Variants in CNTNAP2 observed in about 807,000 individuals in gnomAD.
The protein encoded by CNTNAP2 is contactin-associated protein-like 2.
In CNTNAP2, 98 loss-of-function variants were observed where a neutral mutation model predicts 155.2. The observed-to-expected ratio is 0.63, with a 90% CI of 0.54 to 0.75. The LOEUF (loss-of-function observed/expected upper bound fraction) is 0.75, where lower values mean the gene tolerates loss of function less well. Among genes scored for constraint, CNTNAP2 ranks in the 30% least tolerant of loss-of-function variants. The pLI is 0.00. For missense variants in CNTNAP2, 1,727 were observed against 1,688.1 expected, an observed-to-expected ratio of 1.02 and a Z score of -0.40; for synonymous variants, 651 against 631.2, an observed-to-expected ratio of 1.03 and a Z score of -0.47.
chr7:147,647,307 C>T (rs1584878091), intron 13 of CNTNAP2, among the ~76,000 whole-genome samples: 1 of 144,784 alleles, frequency 6.9e-6, no homozygotes, highest in African/African-American at 2.5e-5. Context: ...GGCCAGTTCA[C>T]TTTTTTTTTT....
chr7:146,480,091 C>T (rs749920927), intron 1 of CNTNAP2, among the ~76,000 whole-genome samples: 2 of 152,076 alleles, frequency 1.3e-5, no homozygotes, highest in African/African-American at 2.4e-5. Flanking sequence ...GGTTTTTCCA[C>T]CAAAGTAGCA....
intron 21 of CNTNAP2, among the ~76,000 whole-genome samples, chr7:148,323,000 T>A (rs1000222914): frequency 6.6e-6 from 1 of 152,166 alleles, no homozygotes; most frequent in Non-Finnish European, 1.5e-5. Flanking sequence ...TAAATCAAAT[T>A]CTTAGTGGCA....
At chr7:146,278,061 A>G (rs1490247357) in intron 1 of CNTNAP2, among the ~76,000 whole-genome samples, 1 of 152,210 alleles carries the variant, frequency 6.6e-6, no homozygotes, top group Admixed American at 6.5e-5. Context: ...TGTTATTGTC[A>G]GCAGATTAGC....
chr7:146,648,097 T>C (rs1276018924), intron 1 of CNTNAP2, among the ~76,000 whole-genome samples: 4 of 152,266 alleles, frequency 2.6e-5, no homozygotes, highest in African/African-American at 9.6e-5. Context: ...GTATCACAGG[T>C]TGGACAAACC....
At chr7:147,155,976 G>A (rs1801917573) in intron 8 of CNTNAP2, among the ~76,000 whole-genome samples, 1 of 152,106 alleles carries the variant, frequency 6.6e-6, no homozygotes, top group Non-Finnish European at 1.5e-5. Context: ...ATACCATTTA[G>A]TAGGTGCATG....
At chr7:147,399,875 G>A (rs1796882709) in intron 10 of CNTNAP2, among the ~76,000 whole-genome samples, 2 of 152,174 alleles carry the variant, frequency 1.3e-5, no homozygotes, top group African/African-American at 4.8e-5. Flanking sequence ...TCTAACAATG[G>A]AAGCTGCTAG....
chr7:146,987,285 T>G (rs1798129763), intron 3 of CNTNAP2, among the ~76,000 whole-genome samples: 2 of 152,176 alleles, frequency 1.3e-5, no homozygotes, highest in Admixed American at 6.5e-5. Context: ...CCATTTGAGA[T>G]GACAATTTTT....
intron 11 of CNTNAP2, among the ~76,000 whole-genome samples, chr7:147,560,168 C>CAAAAAAAAAAAAACAAA (rs1800033185): frequency 1.9e-5 from 1 of 52,828 alleles, no homozygotes; most frequent in Non-Finnish European, 3.4e-5. Flanking sequence ...AACTCCGTCT[C>CAAAAAAAAAAAAACAAA]AAAAAAAAAA....
At chr7:146,505,530 A>T (rs903374513) in intron 1 of CNTNAP2, among the ~76,000 whole-genome samples, 1 of 152,214 alleles carries the variant, frequency 6.6e-6, no homozygotes, top group Non-Finnish European at 1.5e-5. Context: ...CAGGAAATAC[A>T]GATGTTCCCT....
intron 1 of CNTNAP2, among the ~76,000 whole-genome samples, chr7:146,571,785 G>GGAAAAGAAAGAAAGGATTGTTTAA (rs1584986991): frequency 6.7e-6 from 1 of 148,602 alleles, no homozygotes; most frequent in East Asian, 2.0e-4. Context: ...AGGCTGGAAT[G>GGAAAAGAAAGAAAGGATTGTTTAA]CAGTGGCATG....
At chr7:148,102,247 A>C (rs994175898) in intron 15 of CNTNAP2, among the ~76,000 whole-genome samples, 1 of 152,128 alleles carries the variant, frequency 6.6e-6, no homozygotes, top group Non-Finnish European at 1.5e-5. Flanking sequence ...TTTCTGTGTC[A>C]GTTTGCTGGG....
At chr7:146,541,558 A>C (rs1218100239) in intron 1 of CNTNAP2, among the ~76,000 whole-genome samples, 1 of 151,980 alleles carries the variant, frequency 6.6e-6, no homozygotes, top group Non-Finnish European at 1.5e-5. Context: ...CTTTACATTC[A>C]TGGGCTTCCA....
chr7:147,683,729 C>CT (rs10716798), intron 13 of CNTNAP2, among the ~76,000 whole-genome samples: 32,337 of 134,274 alleles, frequency 0.24, 3,837 homozygotes, highest in Admixed American at 0.31. Flanking sequence ...CACACTCAAG[C>CT]TTTTTTTTTT....
intron 1 of CNTNAP2, among the ~76,000 whole-genome samples, chr7:146,695,193 GT>G (rs1800761701): frequency 6.6e-6 from 1 of 152,068 alleles, no homozygotes; most frequent in Admixed American, 6.5e-5. Context: ...GTTTCACACT[GT>G]TTGCTATGAT....
chr7:148,183,981 A>G (rs1795078761), intron 18 of CNTNAP2, among the ~76,000 whole-genome samples: 1 of 152,204 alleles, frequency 6.6e-6, no homozygotes, highest in South Asian at 2.1e-4. Flanking sequence ...AGTTATTCTA[A>G]TAATTAATAT....
chr7:147,115,576 A>G, intron 5 of CNTNAP2, among the ~76,000 whole-genome samples: 1 of 152,050 alleles, frequency 6.6e-6, no homozygotes, highest in East Asian at 1.9e-4. Context: ...TTAGGCTTCA[A>G]GCTCTGAGAT....
At chr7:146,580,761 G>A (rs1798599729) in intron 1 of CNTNAP2, among the ~76,000 whole-genome samples, 2 of 152,080 alleles carry the variant, frequency 1.3e-5, no homozygotes, top group Admixed American at 6.6e-5. Context: ...TTATTAAAAT[G>A]TAAGCTCAAG....
At chr7:148,089,646 CAAGT>C (rs774709117) in intron 15 of CNTNAP2, among the ~76,000 whole-genome samples, 12 of 151,612 alleles carry the variant, frequency 7.9e-5, no homozygotes, top group Non-Finnish European at 1.3e-4. Context: ...TTGAAGAACA[CAAGT>C]AAGTGGAAAG....
rs116550693 is a variant in CNTNAP2, at chr7:147,367,631, T to C, written c.1499-27978T>C. ...ACACAACAGAAAAGGCAAAACACAC[T>C]CAGCAAATGGAAGAATTTACCACCC... is the stretch of plus-strand genomic sequence containing the variant. On this transcript the variant is annotated intron_variant, in intron 9 of 23. Transcript: ENST00000361727. 3.3e-3 allele frequency among the ~76,000 whole-genome samples: 496 copies of C among 152,090 alleles called. 5 individuals are homozygous for C. The highest frequency in any genetic ancestry group is 0.011 in the African/African-American group (463 of 41,486).
Sources: gnomAD v4.1 joint callset for allele counts (sites outside exome capture counted in the v4.1 genomes callset) on GRCh38, gnomAD v4.1.1 for gene constraint, MANE v1.5 for transcripts, NCBI Gene and HGNC (gene_info 2026-07-23, HGNC 2026-07-21) for gene names.